PKHD1L1: variants seen among roughly 807,000 people sequenced by gnomAD.
PKHD1L1 encodes PKHD1 like 1, also known as fibrocystin-L.
In PKHD1L1, 434 loss-of-function variants were observed where a neutral mutation model predicts 462.9. That is an observed-to-expected ratio of 0.94 (90% CI 0.87 to 1.02). The LOEUF is 1.02. Among genes scored for constraint, PKHD1L1 ranks in the 50% least tolerant of loss-of-function variants. PKHD1L1 has a pLI of 0.00. For missense variants in PKHD1L1, 5,202 were observed against 5,096.1 expected (o/e 1.02, Z -0.63); for synonymous variants, 1,781 against 1,750.0 (o/e 1.02, Z -0.44).
At chr8:109,432,404 T>G (rs1410438202) in intron 27 of PKHD1L1, among the ~76,000 whole-genome samples, 1 of 152,198 alleles carries the variant, frequency 6.6e-6, no homozygotes, top group Non-Finnish European at 1.5e-5. Flanking sequence ...TTTTTGAGTT[T>G]TGTTTTTTGT....
At chr8:109,422,723 G>A (rs1323384330) in intron 23 of PKHD1L1, among the ~76,000 whole-genome samples, 1 of 151,894 alleles carries the variant, frequency 6.6e-6, no homozygotes, top group Admixed American at 6.6e-5. Context: ...ATTTTTTCTC[G>A]GTTAAATTCC....
intron 71 of PKHD1L1, among the ~76,000 whole-genome samples, chr8:109,512,530 G>T (rs934850273): frequency 1.3e-5 from 2 of 151,812 alleles, no homozygotes; most frequent in African/African-American, 2.4e-5. Context: ...ATTTCTGAGG[G>T]CTCTGTTCTG....
chr8:109,403,797 G>A (rs1813392158), intron 14 of PKHD1L1, among the ~76,000 whole-genome samples: 1 of 152,240 alleles, frequency 6.6e-6, no homozygotes, highest in African/African-American at 2.4e-5. Context: ...AAGAATATAT[G>A]TTGAGTGATG....
At chr8:109,502,480 C>T (rs1819472969) in intron 67 of PKHD1L1, among the ~76,000 whole-genome samples, 1 of 152,168 alleles carries the variant, frequency 6.6e-6, no homozygotes, top group Admixed American at 6.5e-5. Context: ...CTTCAGGGTC[C>T]AAGTGGCTCT....
intron 27 of PKHD1L1, among the ~76,000 whole-genome samples, chr8:109,431,415 T>C (rs1355651115): frequency 6.6e-6 from 1 of 152,140 alleles, no homozygotes; most frequent in Non-Finnish European, 1.5e-5. Context: ...ACAGCTAAAT[T>C]TCTCTTTAAG....
chr8:109,465,320 A>G, intron 49 of PKHD1L1, 75 bp downstream of exon 49: 3 of 1,477,650 alleles, frequency 2.0e-6, no homozygotes, highest in Non-Finnish European at 1.8e-6. Context: ...GAATTGTTAA[A>G]GCAGACTTAG....
In PKHD1L1 at chr8:109,515,279, G is replaced by A. The variant is rs1820209595; in HGVS notation, c.11663G>A (p.Cys3888Tyr). 1.3e-6 allele frequency: 2 copies of A among 1,599,464 alleles called. No individual in the cohort carries two copies. The highest frequency in any genetic ancestry group is 1.3e-5 in the African/African-American group (1 of 74,500). Residue 3888 changes from cysteine to tyrosine, a missense_variant, in exon 72 of 78, where the codon TGT becomes TAT. Physicochemically the swap from Cys to Tyr is radical, Grantham distance 194 (BLOSUM62 -2). This residue lies in a region of PKHD1L1 where 698 missense variants were observed against 736.3 expected (regional missense o/e 0.95). Transcript: ENST00000378402. Reference sequence around the variant, plus strand: ...ATATGGAATGCCCAGCAGAAACACTGTGAACTTAATAACCATCTGTACAAA... The same window carrying A: ...ATATGGAATGCCCAGCAGAAACACTATGAACTTAATAACCATCTGTACAAA... ...TTIWNAQQKH[C>Y]ELNNHLYKDQ...
At position 109,477,322 on chromosome 8, in the gene PKHD1L1, T is replaced by C. The variant is rs372402797; in HGVS notation, c.9015T>C (p.Cys3005=). 4 of 1,613,612 alleles carry C rather than the reference T, an allele frequency of 2.5e-6. No homozygotes were observed. Among genetic ancestry groups the C allele is most frequent in the Non-Finnish European group, 3.4e-6 (4 of 1,179,690 alleles). Residue 3005 remains cysteine, a synonymous_variant, in exon 53 of 78, where the codon TGT becomes TGC. Transcript: ENST00000378402. ...TTATTAATTTCCAAGCTTACTGTTG[T>C]ATTCTCCAGGATTGCTTTCCTGTAC... ...DVVINFQAYC[C]ILQDCFPVHP... is the part of the protein sequence containing the mutation.
At chr8:109,459,494 T>C in intron 46 of PKHD1L1, 101 bp from the exon 47 acceptor site, 1 of 869,444 alleles carries the variant, frequency 1.2e-6, no homozygotes, top group Non-Finnish European at 1.6e-6. Flanking sequence ...AATAGTTTCC[T>C]ATTTTGCAGA....
chr8:109,491,830 T>C lies in PKHD1L1; in HGVS notation c.10115-43T>C, dbSNP rs371876080. 130 of 1,510,938 alleles carry C rather than the reference T, an allele frequency of 8.6e-5. No individual in the cohort carries two copies. The African/African-American group carries it at 1.4e-3, about 16-fold the overall frequency. 93.6% of individuals were successfully genotyped at this position (1,510,938 alleles called of 1,614,324 possible). A position where few individuals can be genotyped will look rare whatever the true frequency, so the allele number is the denominator to read the frequency against. On this transcript the variant is annotated intron_variant, in intron 61 of 77. Coordinates refer to ENST00000378402, the MANE Select transcript of PKHD1L1 (RefSeq NM_177531.6). ...CTAATAGTCGTTGCAAATTGACTTA[T>C]GTTTTTTGGGGATTTTCTTTCTTTT... is the stretch of plus-strand genomic sequence containing the variant.
intron 23 of PKHD1L1, among the ~76,000 whole-genome samples, chr8:109,423,433 A>C (rs73319439): frequency 0.085 from 12,867 of 152,124 alleles, 1,857 homozygotes; most frequent in African/African-American, 0.29. Context: ...CAAAAATCAT[A>C]TTTGTGTGGG....
chr8:109,421,204 A>G (rs1814445671), intron 23 of PKHD1L1, among the ~76,000 whole-genome samples: 1 of 151,872 alleles, frequency 6.6e-6, no homozygotes, highest in Non-Finnish European at 1.5e-5. Context: ...TTAAATTTCT[A>G]TAAAAATATT....
chr8:109,443,252 C>A, intron 36 of PKHD1L1, 136 bp downstream of exon 36: 1 of 777,648 alleles, frequency 1.3e-6, no homozygotes, highest in Non-Finnish European at 2.1e-6. Context: ...TAGGTTTGGG[C>A]TTCTCTGAGG....
Position 109,385,520 on chromosome 8 carries a change from T to G in PKHD1L1, c.476-17T>G, listed in dbSNP as rs746163502. 5 of 1,513,112 alleles carry G rather than the reference T, an allele frequency of 3.3e-6. No homozygotes were observed. In the African/African-American group the frequency reaches 5.6e-5, roughly 17 times the overall value. 93.7% of individuals were successfully genotyped at this position (1,513,112 alleles called of 1,614,324 possible). A position where few individuals can be genotyped will look rare whatever the true frequency, so the allele number is the denominator to read the frequency against. On this transcript the variant is annotated splice_polypyrimidine_tract_variant and intron_variant, in intron 5 of 77. Coordinates refer to ENST00000378402, the MANE Select transcript of PKHD1L1 (RefSeq NM_177531.6). ...TTTCTTACACAGAATCTTTTTGGGG[T>G]TTTTGTTTGTTTTCAGGTACACTAA...
At chr8:109,521,722 T>C (rs1351806727) in intron 73 of PKHD1L1, among the ~76,000 whole-genome samples, 1 of 152,172 alleles carries the variant, frequency 6.6e-6, no homozygotes, top group Non-Finnish European at 1.5e-5. Context: ...CAAGTAACAA[T>C]TGGTTAGTAA....
chr8:109,404,755 C>A, intron 15 of PKHD1L1, 42 bp downstream of exon 15: 1 of 1,514,632 alleles, frequency 6.6e-7, no homozygotes, highest in Non-Finnish European at 8.9e-7. Flanking sequence ...AGTAAATGTT[C>A]GAAGGCAGGA....
rs1361367912 is a variant in PKHD1L1, at chr8:109,477,395, A to C, written c.9088A>C (p.Asn3030His). 1 of 1,610,746 alleles carries C rather than the reference A, an allele frequency of 6.2e-7. No homozygotes were observed. The highest frequency in any genetic ancestry group is 1.3e-5 in the African/African-American group (1 of 74,810). ...PIPKKRPATY[N>H]LWSNDSFWQS... is the part of the protein sequence containing the mutation. ...TCCCAAGAAGCGACCAGCCACATAT[A>C]AGTACATAGGCCTTTTGTAGTTGAT... The change falls in exon 53 of 78, where the codon AAT becomes CAT. Residue 3030 changes from asparagine to histidine, a missense_variant and splice_region_variant. Around this residue, in one of 3 missense-constraint regions of PKHD1L1, gnomAD observed 4,497 missense variants for 4,336.8 expected, o/e 1.04. Coordinates refer to ENST00000378402, the MANE Select transcript of PKHD1L1 (RefSeq NM_177531.6).
At position 109,440,903 on chromosome 8, in the gene PKHD1L1, G is replaced by T. The variant is rs73309306; in HGVS notation, c.4099+51G>T. 2.8e-4 allele frequency: 441 copies of T among 1,564,552 alleles called. 1 individual carries two copies. The African/African-American group carries it at 4.9e-3, about 18-fold the overall frequency. ...GATTATCATTTTTCTCAGCTTAAAGGATATACTACAGGTGCTGAGTTATTA... is the reference window on the plus strand; with the variant it reads ...GATTATCATTTTTCTCAGCTTAAAGTATATACTACAGGTGCTGAGTTATTA... On this transcript the variant is annotated intron_variant, in intron 33 of 77. Transcript: ENST00000378402.
intron 24 of PKHD1L1, among the ~76,000 whole-genome samples, chr8:109,426,739 G>A (rs542118610): frequency 1.4e-4 from 22 of 152,114 alleles, no homozygotes; most frequent in Non-Finnish European, 3.1e-4. Context: ...TACAACCTCC[G>A]CCTTCCGGGT....
Sources: allele counts gnomAD v4.1 joint callset (sites outside exome capture counted in the v4.1 genomes callset), GRCh38; gene constraint gnomAD v4.1.1; regional missense constraint gnomAD v4.1.1; transcripts MANE v1.5; gene names NCBI Gene and HGNC (gene_info 2026-07-23, HGNC 2026-07-21).